IL1RAPL1: variants seen among roughly 807,000 people sequenced by gnomAD.
IL1RAPL1 encodes the protein interleukin 1 receptor accessory protein like 1, also known as interleukin-1 receptor accessory protein-like 1.
In IL1RAPL1, 3 loss-of-function variants were observed where a neutral mutation model predicts 48.4. That is an observed-to-expected ratio of 0.06 (90% confidence interval 0.03 to 0.16). The LOEUF is 0.16. IL1RAPL1 is among the 10% of genes least tolerant of loss of function. IL1RAPL1 has a pLI of 1.00. For synonymous variants in IL1RAPL1, 185 were observed against 187.7 expected, an observed-to-expected ratio of 0.99 and a Z score of 0.12; for missense variants, 349 against 530.6, an observed-to-expected ratio of 0.66 and a Z score of 3.36.
chrX:28,911,818 G>A (rs1029998549), intron 2 of IL1RAPL1, among the ~76,000 whole-genome samples: 4 of 108,590 alleles, frequency 3.7e-5, no homozygotes, highest in South Asian at 4.1e-4. Flanking sequence ...GCTTCCAATC[G>A]TCAGGGACTT....
intron 2 of IL1RAPL1, among the ~76,000 whole-genome samples, chrX:29,058,951 T>G (rs905890356): frequency 8.9e-6 from 1 of 112,155 alleles, no homozygotes; most frequent in Non-Finnish European, 1.9e-5. Flanking sequence ...TATGTTCGAT[T>G]AAGAGAAATT....
At chrX:28,684,118 C>T (rs966734725) in intron 1 of IL1RAPL1, among the ~76,000 whole-genome samples, 4 of 112,213 alleles carry the variant, frequency 3.6e-5, no homozygotes, top group Non-Finnish European at 7.5e-5. Context: ...AAATTATATA[C>T]CCCCTCTTCT....
chrX:29,496,770 G>T (rs1358754473), intron 5 of IL1RAPL1, among the ~76,000 whole-genome samples: 1 of 111,162 alleles, frequency 9.0e-6, no homozygotes, highest in African/African-American at 3.3e-5. Flanking sequence ...AACTTTTATT[G>T]GGAAAATGCT....
intron 2 of IL1RAPL1, among the ~76,000 whole-genome samples, chrX:28,807,859 CTA>C (rs1257685082): frequency 1.8e-5 from 2 of 110,678 alleles, no homozygotes; most frequent in Non-Finnish European, 3.8e-5. Context: ...TTGCATCAGA[CTA>C]TCTCTTCTAC....
chrX:29,400,650 A>C (rs1933982039), intron 5 of IL1RAPL1, among the ~76,000 whole-genome samples: 1 of 112,183 alleles, frequency 8.9e-6, no homozygotes, highest in African/African-American at 3.2e-5. Context: ...ACTTAAAATT[A>C]GTTTTCCCTG....
chrX:29,145,398 AATAG>A (rs1455233663), intron 2 of IL1RAPL1, among the ~76,000 whole-genome samples: 1 of 112,448 alleles, frequency 8.9e-6, no homozygotes, highest in Non-Finnish European at 1.9e-5. Flanking sequence ...GTCAAGTAAT[AATAG>A]ATGCTTTCAG....
At chrX:29,897,546 C>A (rs1932410372) in intron 6 of IL1RAPL1, among the ~76,000 whole-genome samples, 1 of 111,964 alleles carries the variant, frequency 8.9e-6, no homozygotes, top group African/African-American at 3.2e-5. Flanking sequence ...GTGACAGGAC[C>A]TTCATCCTGT....
chrX:28,841,033 A>T (rs1420992108), intron 2 of IL1RAPL1, among the ~76,000 whole-genome samples: 2 of 111,405 alleles, frequency 1.8e-5, no homozygotes, highest in Non-Finnish European at 3.8e-5. Flanking sequence ...AGAGGAAAAT[A>T]TTTTTTTCAA....
intron 2 of IL1RAPL1, among the ~76,000 whole-genome samples, chrX:29,270,974 A>T (rs984379646): frequency 4.5e-5 from 5 of 111,643 alleles, no homozygotes; most frequent in Admixed American, 9.5e-5. Context: ...TAATAAGCAT[A>T]GTAGCTGATA....
intron 1 of IL1RAPL1, among the ~76,000 whole-genome samples, chrX:28,617,249 C>A (rs1233853603): frequency 9.0e-6 from 1 of 111,138 alleles, no homozygotes; most frequent in Non-Finnish European, 1.9e-5. Context: ...TGGGAGTAAG[C>A]CCCTTACTAC....
At chrX:29,852,069 C>T (rs964025318) in intron 6 of IL1RAPL1, among the ~76,000 whole-genome samples, 1 of 112,562 alleles carries the variant, frequency 8.9e-6, no homozygotes, top group African/African-American at 3.2e-5. Flanking sequence ...GGCCACTCCT[C>T]GGATTTACAG....
chrX:29,931,548 C>T (rs1299640939), intron 8 of IL1RAPL1, among the ~76,000 whole-genome samples: 1 of 112,083 alleles, frequency 8.9e-6, no homozygotes, highest in African/African-American at 3.2e-5. Context: ...ATTAATGTAT[C>T]CCATTTGTAT....
Position 29,184,681 on chromosome X carries a change from A to C in IL1RAPL1, c.83-98257A>C, listed in dbSNP as rs758617957. 2.7e-5 allele frequency among the ~76,000 whole-genome samples: 3 copies of C among 110,022 alleles called. No homozygotes were observed. The South Asian group carries it at 1.2e-3, about 44-fold the overall frequency. On this transcript the variant is annotated intron_variant, in intron 2 of 10. Transcript: ENST00000378993. ...ACACATGGCTACTTTTTGTATTTTTAGTAGAGATGGGGTTTCACCATGTTG... is the reference window on the plus strand; with the variant it reads ...ACACATGGCTACTTTTTGTATTTTTCGTAGAGATGGGGTTTCACCATGTTG...
intron 6 of IL1RAPL1, among the ~76,000 whole-genome samples, chrX:29,893,810 G>C (rs1055728311): frequency 1.8e-5 from 2 of 111,412 alleles, no homozygotes; most frequent in African/African-American, 6.5e-5. Flanking sequence ...GACACAGCCA[G>C]AGGGATTCCC....
intron 5 of IL1RAPL1, among the ~76,000 whole-genome samples, chrX:29,452,295 T>C (rs1458602132): frequency 8.9e-6 from 1 of 112,016 alleles, no homozygotes; most frequent in Non-Finnish European, 1.9e-5. Flanking sequence ...TAGAGTTGAC[T>C]CTCACTCAGG....
chrX:29,896,766 G>T (rs765060680), intron 6 of IL1RAPL1, among the ~76,000 whole-genome samples: 1 of 112,206 alleles, frequency 8.9e-6, no homozygotes, highest in East Asian at 2.8e-4. Context: ...GAAGATCCAG[G>T]GGGGAAGAGA....
intron 2 of IL1RAPL1, among the ~76,000 whole-genome samples, chrX:29,112,514 G>T (rs1226063047): frequency 1.9e-5 from 2 of 103,612 alleles, no homozygotes; most frequent in Non-Finnish European, 3.9e-5. Flanking sequence ...TTCCATCACT[G>T]CATATTGAAG....
At chrX:29,378,465 G>A (rs966336246) in intron 3 of IL1RAPL1, among the ~76,000 whole-genome samples, 2 of 112,205 alleles carry the variant, frequency 1.8e-5, no homozygotes, top group Non-Finnish European at 3.8e-5. Context: ...AGTTGCTACA[G>A]TTATTGCACT....
At chrX:29,617,305 G>A (rs1924318713) in intron 5 of IL1RAPL1, among the ~76,000 whole-genome samples, 1 of 112,165 alleles carries the variant, frequency 8.9e-6, no homozygotes, top group East Asian at 2.8e-4. Flanking sequence ...TATTTATTCA[G>A]CTTATTCTAA....
Sources: allele counts gnomAD v4.1 joint callset (sites outside exome capture counted in the v4.1 genomes callset), GRCh38; gene constraint gnomAD v4.1.1; transcripts MANE v1.5; gene names NCBI Gene and HGNC (gene_info 2026-07-23, HGNC 2026-07-21).